The following LDLRAD4 variants were observed in gnomAD, a reference collection of about 807,000 sequenced individuals.
LDLRAD4 encodes the protein low density lipoprotein receptor class A domain containing 4, also known as low-density lipoprotein receptor class A domain-containing protein 4.
A neutral mutation model predicts 17.0 loss-of-function variants in LDLRAD4; 5 were observed. The ratio of observed to expected loss-of-function variants is 0.29; its 90% CI spans 0.15 to 0.62. The LOEUF is 0.62. Among genes scored for constraint, LDLRAD4 ranks in the 20% least tolerant of loss-of-function variants. LDLRAD4 has a pLI of 0.84. For missense variants in LDLRAD4, 340 were observed against 424.7 expected, an observed-to-expected ratio of 0.80 and a Z score of 1.75; for synonymous variants, 168 against 171.8, an observed-to-expected ratio of 0.98 and a Z score of 0.17.
At chr18:13,459,385 T>C (rs2092317917) in intron 3 of LDLRAD4, among the ~76,000 whole-genome samples, 1 of 146,906 alleles carries the variant, frequency 6.8e-6, no homozygotes, top group Admixed American at 6.8e-5. Context: ...TTTTTTTCTT[T>C]TTGTTTTTGT....
intron 3 of LDLRAD4, among the ~76,000 whole-genome samples, chr18:13,574,883 C>T (rs1266168022): frequency 6.6e-6 from 1 of 152,176 alleles, no homozygotes; most frequent in African/African-American, 2.4e-5. Flanking sequence ...CTATCTGGGA[C>T]ACCCCTCCCT....
At chr18:13,544,119 G>C (rs916280746) in intron 3 of LDLRAD4, among the ~76,000 whole-genome samples, 1 of 152,262 alleles carries the variant, frequency 6.6e-6, no homozygotes, top group African/African-American at 2.4e-5. Flanking sequence ...CGCTGGGCCT[G>C]CTATGAAGCC....
At chr18:13,641,965 C>G in intron 4 of LDLRAD4, 4 of 985,378 alleles carry the variant, frequency 4.1e-6, no homozygotes, top group Non-Finnish European at 4.8e-6. Flanking sequence ...CCCCTGCGGG[C>G]CCAGCCTGGG....
chr18:13,443,859 C>T (rs75163349), intron 3 of LDLRAD4, among the ~76,000 whole-genome samples: 550 of 152,242 alleles, frequency 3.6e-3, no homozygotes, highest in Middle Eastern at 0.01. Context: ...ATTCCTGCCA[C>T]GTGGTAGGTA....
chr18:13,548,069 G>A (rs2094389748), intron 3 of LDLRAD4, among the ~76,000 whole-genome samples: 1 of 152,192 alleles, frequency 6.6e-6, no homozygotes, highest in South Asian at 2.1e-4. Context: ...CTATCCACAG[G>A]CAGGTCATTC....
chr18:13,456,611 T>C (rs971589846), intron 3 of LDLRAD4, among the ~76,000 whole-genome samples: 1 of 152,250 alleles, frequency 6.6e-6, no homozygotes, highest in Non-Finnish European at 1.5e-5. Context: ...GTGTTTTGTT[T>C]ATTTTTGGTC....
chr18:13,411,921 T>C (rs1441497891), intron 2 of LDLRAD4, among the ~76,000 whole-genome samples: 4 of 152,132 alleles, frequency 2.6e-5, no homozygotes, highest in African/African-American at 9.7e-5. Flanking sequence ...TGGCTCACTG[T>C]AGCCTTGACC....
At chr18:13,578,127 C>G (rs1226035890) in intron 3 of LDLRAD4, among the ~76,000 whole-genome samples, 1 of 151,926 alleles carries the variant, frequency 6.6e-6, no homozygotes, top group Non-Finnish European at 1.5e-5. Flanking sequence ...AGACTTTCAT[C>G]CCAAAGCAAT....
At chr18:13,572,491 G>C (rs1229474460) in intron 3 of LDLRAD4, among the ~76,000 whole-genome samples, 1 of 152,182 alleles carries the variant, frequency 6.6e-6, no homozygotes, top group Non-Finnish European at 1.5e-5. Flanking sequence ...TTTTGTGTTT[G>C]CCTTAGAAGA....
At chr18:13,506,227 T>A (rs1481042486) in intron 3 of LDLRAD4, among the ~76,000 whole-genome samples, 3 of 152,052 alleles carry the variant, frequency 2.0e-5, no homozygotes, top group South Asian at 2.1e-4. Context: ...TCTTTTTTTT[T>A]TTTATTATTA....
At chr18:13,516,834 T>TC (rs2093874645) in intron 3 of LDLRAD4, among the ~76,000 whole-genome samples, 1 of 152,170 alleles carries the variant, frequency 6.6e-6, no homozygotes, top group African/African-American at 2.4e-5. Flanking sequence ...GCAGCTGGCA[T>TC]CCCTTCATTT....
chr18:13,611,355 TG>T, intron 3 of LDLRAD4: 1 of 447,074 alleles, frequency 2.2e-6, no homozygotes, highest in South Asian at 9.5e-5. Context: ...GTGCTTGTGG[TG>T]GGGGTTATTT....
intron 3 of LDLRAD4, among the ~76,000 whole-genome samples, chr18:13,523,640 G>A (rs73411399): frequency 0.17 from 26,075 of 152,162 alleles, 2,449 homozygotes; most frequent in Non-Finnish European, 0.2. Flanking sequence ...TGGCCAGAGC[G>A]TCTCCCCATT....
chr18:13,388,657 G>A (rs1360932740), intron 2 of LDLRAD4, among the ~76,000 whole-genome samples: 2 of 152,252 alleles, frequency 1.3e-5, no homozygotes, highest in African/African-American at 4.8e-5. Flanking sequence ...AGAGGGGCAG[G>A]GGCTCAGGCT....
chr18:13,265,728 G>A (rs564012001), intron 1 of LDLRAD4, among the ~76,000 whole-genome samples: 11 of 152,242 alleles, frequency 7.2e-5, no homozygotes, highest in Admixed American at 3.3e-4. Context: ...CCAGGGCTTC[G>A]TTGGCCATGG....
At chr18:13,566,425 C>T (rs1254288090) in intron 3 of LDLRAD4, among the ~76,000 whole-genome samples, 1 of 150,120 alleles carries the variant, frequency 6.7e-6, no homozygotes, top group Non-Finnish European at 1.5e-5. Flanking sequence ...TGCAGTGGCG[C>T]AATCTTAGCT....
intron 2 of LDLRAD4, among the ~76,000 whole-genome samples, chr18:13,438,042 G>T (rs1600266109): frequency 6.6e-6 from 1 of 152,186 alleles, no homozygotes; most frequent in East Asian, 1.9e-4. Context: ...GTGCAGGAGG[G>T]CACCATCCTG....
At chr18:13,352,749 T>C (rs1431882677) in intron 1 of LDLRAD4, among the ~76,000 whole-genome samples, 2 of 152,166 alleles carry the variant, frequency 1.3e-5, no homozygotes, top group African/African-American at 4.8e-5. Flanking sequence ...ATAAGCCTCT[T>C]AGGCTCTGTT....
chr18:13,601,662 A>G (rs958006459), intron 3 of LDLRAD4, among the ~76,000 whole-genome samples: 1 of 150,900 alleles, frequency 6.6e-6, no homozygotes, highest in Non-Finnish European at 1.5e-5. Context: ...TGAAAAAAAA[A>G]AAAAGAAAAA....
Sources: gnomAD v4.1 joint callset for allele counts (sites outside exome capture counted in the v4.1 genomes callset) on GRCh38, gnomAD v4.1.1 for gene constraint, MANE v1.5 for transcripts, NCBI Gene and HGNC (gene_info 2026-07-23, HGNC 2026-07-21) for gene names.